Variants in STAMBP observed in about 807,000 individuals in gnomAD.
The protein encoded by STAMBP is STAM-binding protein.
Under a neutral mutation model 50.7 loss-of-function variants are expected in STAMBP, and 31 were observed. The ratio of observed to expected loss-of-function variants is 0.61; its 90% CI spans 0.46 to 0.83. STAMBP has a LOEUF of 0.83. Ranked by LOEUF, STAMBP falls within the 40% of genes least tolerant of loss-of-function variation. The pLI is 0.00. For synonymous variants in STAMBP, 211 were observed against 192.4 expected (o/e 1.10, Z -0.80); for missense variants, 472 against 518.9 (o/e 0.91, Z 0.88).
chr2:73,869,620 A>G (rs1032308581), downstream of STAMBP, among the ~76,000 whole-genome samples: 2 of 152,218 alleles, frequency 1.3e-5, no homozygotes, highest in African/African-American at 4.8e-5. Context: ...TTATAAACCT[A>G]TGCTAAATGA....
intron 6 of STAMBP, 116 bp downstream of exon 6, chr2:73,849,603 AC>A: frequency 7.6e-7 from 1 of 1,312,602 alleles, no homozygotes. Flanking sequence ...GTACCAAGGA[AC>A]CGTGGACTGC....
chr2:73,849,612 T>C, intron 6 of STAMBP, 125 bp downstream of exon 6: 1 of 1,262,564 alleles, frequency 7.9e-7, no homozygotes, highest in Non-Finnish European at 1.1e-6. Flanking sequence ...AACCGTGGAC[T>C]GCATAATTTC....
At chr2:73,842,456 G>A (rs1224232827) in intron 2 of STAMBP, among the ~76,000 whole-genome samples, 1 of 152,232 alleles carries the variant, frequency 6.6e-6, no homozygotes, top group Non-Finnish European at 1.5e-5. Context: ...GCCTTGAGCT[G>A]CTGGGATGGA....
In STAMBP at chr2:73,864,033, A is replaced by T. The variant is rs1357512684; in HGVS notation, c.*1774A>T. 6.6e-6 allele frequency: 1 copy of T among 152,232 alleles called. No homozygotes were observed. Among genetic ancestry groups the T allele is most frequent in the Non-Finnish European group, 1.5e-5 (1 of 68,042 alleles). 9.4% of individuals were successfully genotyped at this position (152,232 alleles called of 1,614,324 possible). ...TTAAAGTTCTTACCCCTGGCTATATATTCAAATATCTAGGGAGCAATTTAA... is the reference window on the plus strand; with the variant it reads ...TTAAAGTTCTTACCCCTGGCTATATTTTCAAATATCTAGGGAGCAATTTAA... On this transcript the variant is annotated 3_prime_UTR_variant, in exon 10 of 10. Coordinates refer to ENST00000394070, the MANE Select transcript of STAMBP (RefSeq NM_213622.4).
intron 2 of STAMBP, among the ~76,000 whole-genome samples, chr2:73,838,571 A>T (rs916851552): frequency 6.6e-6 from 1 of 152,226 alleles, no homozygotes; most frequent in East Asian, 1.9e-4. Context: ...CTGTACTAAT[A>T]AACTCCTCAG....
intron 2 of STAMBP, among the ~76,000 whole-genome samples, chr2:73,840,109 A>G (rs1361651505): frequency 2.6e-5 from 4 of 151,962 alleles, no homozygotes; most frequent in Admixed American, 6.6e-5. Flanking sequence ...CTGTTCCCCC[A>G]TTGTAATGTA....
At chr2:73,837,345 G>A (rs1367806747) in intron 2 of STAMBP, among the ~76,000 whole-genome samples, 1 of 152,058 alleles carries the variant, frequency 6.6e-6, no homozygotes, top group Non-Finnish European at 1.5e-5. Flanking sequence ...CAGCACTTTG[G>A]GAGGCCAAGG....
downstream of STAMBP, among the ~76,000 whole-genome samples, chr2:73,869,974 G>A (rs955761986): frequency 3.9e-5 from 6 of 152,108 alleles, no homozygotes; most frequent in Non-Finnish European, 8.8e-5. Flanking sequence ...GAAAAACTAT[G>A]AATAAGAAGT....
rs3738845 is a variant in STAMBP at position 73,864,523 on chromosome 2, G to A, written c.*2264G>A. 8,600 of 152,534 alleles carry A rather than the reference G, an allele frequency of 0.056. 315 individuals carry two copies. The highest frequency in any genetic ancestry group is 0.086 in the African/African-American group (3,582 of 41,528). 9.4% of individuals were successfully genotyped at this position (152,534 alleles called of 1,614,324 possible). ...AAGCCAGCCCACAAGCCCTGAGACT[G>A]GATAGGCCGGAGAGAAAGAGGAGTA... On this transcript the variant is annotated 3_prime_UTR_variant, in exon 10 of 10. Transcript: ENST00000394070.
Position 73,847,674 on chromosome 2 carries a change from T to C in STAMBP, c.663T>C (p.Cys221=). ...LTVSSIQPSD[C]HTTVRPAKPP... is the part of the protein sequence containing the mutation. Reference sequence around the variant, plus strand: ...TCTCATCCATACAGCCTTCAGACTGTCACACAACTGTAAGGCCAGCTAAGC... The same window carrying C: ...TCTCATCCATACAGCCTTCAGACTGCCACACAACTGTAAGGCCAGCTAAGC... The change falls in exon 5 of 10, where the codon TGT becomes TGC. Residue 221 remains cysteine (C), a synonymous_variant. Transcript: ENST00000394070. 1.2e-6 allele frequency: 2 copies of C among 1,614,152 alleles called. No individual in the cohort carries two copies. Among genetic ancestry groups the C allele is most frequent in the Non-Finnish European group, 1.7e-6 (2 of 1,180,010 alleles).
chr2:73,839,600 C>T (rs778584784), intron 2 of STAMBP, among the ~76,000 whole-genome samples: 1 of 152,126 alleles, frequency 6.6e-6, no homozygotes, highest in African/African-American at 2.4e-5. Context: ...TGTTAAAGAA[C>T]CTTTGCTTGA....
intron 2 of STAMBP, among the ~76,000 whole-genome samples, chr2:73,840,313 G>GTTTTTTTTTTTT (rs57827239): frequency 8.6e-6 from 1 of 115,636 alleles, no homozygotes; most frequent in Non-Finnish European, 1.9e-5. Flanking sequence ...TTAGGGGTTT[G>GTTTTTTTTTTTT]TTTTTTTTTT....
At position 73,845,923 on chromosome 2, in the gene STAMBP, C is replaced by T. The variant is rs139753715; in HGVS notation, c.375+661C>T. Among the ~76,000 whole-genome samples, 706 of 152,322 alleles carry T rather than the reference C, an allele frequency of 4.6e-3. 10 individuals carry two copies. Among genetic ancestry groups the T allele is most frequent in the African/African-American group, 0.016 (667 of 41,568 alleles). ...CTGGGATTACAGGCGTGAGCCGCTG[C>T]ACCCAGCCATTTCAAGCTATTTTCA... On this transcript the variant is annotated intron_variant, in intron 4 of 9. Coordinates refer to ENST00000394070, the MANE Select transcript of STAMBP (RefSeq NM_213622.4).
intron 10 of STAMBP, among the ~76,000 whole-genome samples, chr2:73,872,929 C>A (rs1558611586): frequency 6.6e-6 from 1 of 152,098 alleles, no homozygotes; most frequent in Non-Finnish European, 1.5e-5. Context: ...CGTGGATGGG[C>A]CGTAGGATGT....
chr2:73,846,535 AG>A (rs1019644309), intron 4 of STAMBP, among the ~76,000 whole-genome samples: 5 of 151,794 alleles, frequency 3.3e-5, no homozygotes, highest in Non-Finnish European at 7.4e-5. Flanking sequence ...CTGAGATGGG[AG>A]GATCACCTGC....
At chr2:73,871,829 G>A (rs553178552), downstream of STAMBP, among the ~76,000 whole-genome samples, 7 of 152,160 alleles carry the variant, frequency 4.6e-5, no homozygotes, top group East Asian at 1.9e-4. Context: ...GTGCAGTGGC[G>A]TGATCTCAGC....
downstream of STAMBP, among the ~76,000 whole-genome samples, chr2:73,868,272 A>C (rs904214259): frequency 7.2e-5 from 11 of 152,172 alleles, no homozygotes; most frequent in African/African-American, 2.7e-4. Flanking sequence ...TAAAAAAATC[A>C]TCAATCTAGT....
chr2:73,873,307 T>C (rs1442372187), intron 10 of STAMBP: 2 of 152,256 alleles, frequency 1.3e-5, no homozygotes, highest in African/African-American at 2.4e-5. Context: ...GAGTAAGATA[T>C]GAGGCGCTTA....
intron 2 of STAMBP, among the ~76,000 whole-genome samples, chr2:73,840,315 T>TTG (rs1018806707): frequency 5.8e-5 from 8 of 138,306 alleles, no homozygotes; most frequent in Admixed American, 3.5e-4. Context: ...AGGGGTTTGT[T>TTG]TTTTTTTTTT....
Sources: allele counts gnomAD v4.1 joint callset (sites outside exome capture counted in the v4.1 genomes callset), GRCh38; gene constraint gnomAD v4.1.1; transcripts MANE v1.5; gene names NCBI Gene and HGNC (gene_info 2026-07-23, HGNC 2026-07-21).